NDUFS4: variants seen among roughly 807,000 people sequenced by gnomAD.
NDUFS4 encodes NADH dehydrogenase [ubiquinone] iron-sulfur protein 4, mitochondrial.
A neutral mutation model predicts 24.3 loss-of-function variants in NDUFS4; 28 were observed. The ratio of observed to expected loss-of-function variants is 1.15; its 90% CI spans 0.85 to 1.58. NDUFS4 has a LOEUF of 1.58. Among genes scored for constraint, NDUFS4 ranks in the 40% most tolerant of loss-of-function variants. NDUFS4 has a pLI of 0.00. For missense variants in NDUFS4, 223 were observed against 207.9 expected (o/e 1.07, Z -0.45); for synonymous variants, 93 against 69.7 (o/e 1.34, Z -1.67).
chr5:53,649,667 T>C (rs1751962408), intron 3 of NDUFS4, among the ~76,000 whole-genome samples: 1 of 152,174 alleles, frequency 6.6e-6, no homozygotes, highest in South Asian at 2.1e-4. Flanking sequence ...TTTGATAAAA[T>C]GAGTTATTTT....
At chr5:53,638,411 G>GC in intron 2 of NDUFS4, among the ~76,000 whole-genome samples, 1 of 152,110 alleles carries the variant, frequency 6.6e-6, no homozygotes, top group East Asian at 1.9e-4. Context: ...GGCCCATAGG[G>GC]CACTGTGAAA....
chr5:53,641,581 C>T (rs1188945402), intron 2 of NDUFS4, among the ~76,000 whole-genome samples: 1 of 152,074 alleles, frequency 6.6e-6, no homozygotes, highest in Non-Finnish European at 1.5e-5. Flanking sequence ...AATGGCACAA[C>T]TCAAATTTAT....
At chr5:53,619,123 T>A (rs1349050983) in intron 2 of NDUFS4, among the ~76,000 whole-genome samples, 1 of 146,582 alleles carries the variant, frequency 6.8e-6, no homozygotes, top group Non-Finnish European at 1.5e-5. Context: ...AAAATAATAA[T>A]AATAATAATA....
intron 1 of NDUFS4, among the ~76,000 whole-genome samples, chr5:53,572,328 A>G (rs1749237562): frequency 6.6e-6 from 1 of 152,026 alleles, no homozygotes; most frequent in East Asian, 1.9e-4. Context: ...AGATTTTATA[A>G]CCTACTTCAG....
intron 1 of NDUFS4, among the ~76,000 whole-genome samples, chr5:53,582,552 G>A (rs1328468200): frequency 1.3e-5 from 2 of 152,228 alleles, no homozygotes; most frequent in African/African-American, 2.4e-5. Flanking sequence ...TGAGGAGAAT[G>A]TGCAAACTCC....
intron 2 of NDUFS4, among the ~76,000 whole-genome samples, chr5:53,628,782 G>T (rs1751308119): frequency 6.6e-6 from 1 of 151,956 alleles, no homozygotes; most frequent in Non-Finnish European, 1.5e-5. Context: ...TGTTAGTCTT[G>T]CTAGCAGTCT....
chr5:53,597,056 G>A (rs1750153899), intron 1 of NDUFS4, among the ~76,000 whole-genome samples: 1 of 152,150 alleles, frequency 6.6e-6, no homozygotes, highest in South Asian at 2.1e-4. Flanking sequence ...GTTTTGCCAG[G>A]GAAGTTTGTC....
At chr5:53,566,136 G>A (rs1056914812) in intron 1 of NDUFS4, among the ~76,000 whole-genome samples, 4 of 152,202 alleles carry the variant, frequency 2.6e-5, no homozygotes, top group East Asian at 1.9e-4. Context: ...TCGCACCACT[G>A]CACTCTAGCC....
intron 2 of NDUFS4, among the ~76,000 whole-genome samples, chr5:53,643,348 C>T (rs1751756144): frequency 6.6e-6 from 1 of 152,068 alleles, no homozygotes; most frequent in Non-Finnish European, 1.5e-5. Flanking sequence ...TCCATATTGC[C>T]ATACAAAAGT....
chr5:53,563,578 T>G (rs1748927163), intron 1 of NDUFS4, among the ~76,000 whole-genome samples: 1 of 152,014 alleles, frequency 6.6e-6, no homozygotes, highest in Non-Finnish European at 1.5e-5. Context: ...CTCAGTTCAC[T>G]GCAACCTCTG....
chr5:53,575,067 A>C (rs1432077900), intron 1 of NDUFS4, among the ~76,000 whole-genome samples: 4 of 152,172 alleles, frequency 2.6e-5, no homozygotes, highest in African/African-American at 9.7e-5. Flanking sequence ...CCTATGGCTG[A>C]TTCATGGTGT....
intron 4 of NDUFS4, among the ~76,000 whole-genome samples, chr5:53,665,855 C>T (rs545587124): frequency 6.6e-6 from 1 of 152,216 alleles, no homozygotes; most frequent in African/African-American, 2.4e-5. Flanking sequence ...TCTGATGCTC[C>T]CCAGTGAGAT....
intron 3 of NDUFS4, among the ~76,000 whole-genome samples, chr5:53,651,075 T>A (rs1445751551): frequency 6.6e-6 from 1 of 152,184 alleles, no homozygotes; most frequent in Non-Finnish European, 1.5e-5. Context: ...ATAGACCTTG[T>A]CTGCAATTGG....
intron 4 of NDUFS4, among the ~76,000 whole-genome samples, chr5:53,681,997 A>G (rs1043672743): frequency 3.3e-5 from 5 of 152,066 alleles, no homozygotes; most frequent in Non-Finnish European, 4.4e-5. Context: ...ATTAGACTAT[A>G]TAATAAATAA....
intron 2 of NDUFS4, among the ~76,000 whole-genome samples, chr5:53,644,842 T>C (rs763077334): frequency 6.6e-6 from 1 of 152,120 alleles, no homozygotes; most frequent in Non-Finnish European, 1.5e-5. Flanking sequence ...GGAAAGGTAT[T>C]GTGTTAAATA....
intron 4 of NDUFS4, among the ~76,000 whole-genome samples, chr5:53,659,430 C>T (rs1434157199): frequency 6.6e-6 from 1 of 152,100 alleles, no homozygotes; most frequent in African/African-American, 2.4e-5. Context: ...ATAAGGGTAC[C>T]TACCTCATGA....
intron 4 of NDUFS4, among the ~76,000 whole-genome samples, chr5:53,665,287 G>A (rs542016966): frequency 2.6e-5 from 4 of 152,218 alleles, no homozygotes; most frequent in Admixed American, 6.5e-5. Context: ...GGACCCACTT[G>A]AGGAGGCAGT....
intron 2 of NDUFS4, among the ~76,000 whole-genome samples, chr5:53,644,397 G>T (rs1163289023): frequency 6.6e-6 from 1 of 152,064 alleles, no homozygotes; most frequent in Non-Finnish European, 1.5e-5. Context: ...AGCTTAAGCT[G>T]TAGCTGAGGA....
chr5:53,574,813 C>T (rs186276334), intron 1 of NDUFS4, among the ~76,000 whole-genome samples: 1 of 151,448 alleles, frequency 6.6e-6, no homozygotes, highest in Non-Finnish European at 1.5e-5. Context: ...AACCCAATTC[C>T]CTGGGGTTTC....
Sources: allele counts gnomAD v4.1 joint callset (sites outside exome capture counted in the v4.1 genomes callset), GRCh38; gene constraint gnomAD v4.1.1; transcripts MANE v1.5; gene names NCBI Gene and HGNC (gene_info 2026-07-23, HGNC 2026-07-21).